Variants in SYTL2 observed in about 807,000 individuals in gnomAD.
The protein encoded by SYTL2 is synaptotagmin like 2.
A neutral mutation model predicts 198.7 loss-of-function variants in SYTL2; 165 were observed. The observed-to-expected ratio is 0.83, with a 90% CI of 0.73 to 0.94. SYTL2 has a LOEUF of 0.94. SYTL2 is among the 40% of genes least tolerant of loss of function. The pLI, the probability that SYTL2 is intolerant of heterozygous loss-of-function variation, is 0.00. For missense variants in SYTL2, 2,835 were observed against 2,582.8 expected (o/e 1.10, Z -2.12); for synonymous variants, 966 against 917.7 (o/e 1.05, Z -0.95).
At chr11:85,721,275 T>C (rs939837079) in intron 8 of SYTL2, among the ~76,000 whole-genome samples, 25 of 152,184 alleles carry the variant, frequency 1.6e-4, no homozygotes, top group African/African-American at 5.8e-4. Context: ...CATTGACTCT[T>C]CCCATTTAAC....
chr11:85,853,071 C>T, the SYTL2 span: 9 of 295,612 alleles, frequency 3.0e-5, no homozygotes, highest in East Asian at 4.6e-4. Flanking sequence ...GCCGCCTCCC[C>T]GTCCGGGAGG....
At chr11:85,821,560 AT>A in the SYTL2 span, among the ~76,000 whole-genome samples, 1 of 152,234 alleles carries the variant, frequency 6.6e-6, no homozygotes, top group East Asian at 1.9e-4. Flanking sequence ...AAATCAGATT[AT>A]AAAAGGCCTG....
chr11:85,768,237 G>A (rs2092285790), intron 1 of SYTL2, among the ~76,000 whole-genome samples: 1 of 152,152 alleles, frequency 6.6e-6, no homozygotes, highest in African/African-American at 2.4e-5. Flanking sequence ...ATCCTCTAAA[G>A]AGACACTGAT....
intron 12 of SYTL2, among the ~76,000 whole-genome samples, chr11:85,712,180 T>C (rs750378138): frequency 6.6e-5 from 10 of 152,204 alleles, no homozygotes; most frequent in Non-Finnish European, 1.3e-4. Flanking sequence ...GGATGCCAAT[T>C]GTAATGCAGA....
intron 1 of SYTL2, among the ~76,000 whole-genome samples, chr11:85,784,581 T>C (rs1042173037): frequency 6.6e-6 from 1 of 152,148 alleles, no homozygotes; most frequent in African/African-American, 2.4e-5. Context: ...CTGAATTGCT[T>C]TACTTCAAAT....
Position 85,704,973 on chromosome 11 carries a change from T to G in SYTL2, c.6074A>C (p.His2025Pro). Residue 2025 changes from histidine (H) to proline (P), a missense_variant, in exon 16 of 20, where the codon CAT becomes CCT. By Grantham distance (77) the His-to-Pro change is moderately conservative. Around this residue, in one of 3 missense-constraint regions of SYTL2, gnomAD observed 2,645 missense variants for 2,381.7 expected, o/e 1.11. Transcript: ENST00000359152. ...ACTATTGCGCTTAAATGTATCCCGA[T>G]GCCAAATGGACAGGTTCAATTTCTG... ...KTQKLNLSIW[H>P]RDTFKRNSFL... is the part of the protein sequence containing the mutation. The G allele has an allele frequency of 6.2e-7, 1 of 1,613,770 alleles. No individual in the cohort carries two copies. The highest frequency in any genetic ancestry group is 8.5e-7 in the Non-Finnish European group (1 of 1,179,740).
the SYTL2 span, chr11:85,852,895 C>A: frequency 1.8e-5 from 5 of 282,780 alleles, no homozygotes; most frequent in Non-Finnish European, 3.5e-5. Context: ...TCAGGAGCAC[C>A]TCTGCCCGGC....
At chr11:85,777,398 G>C (rs1040748938) in intron 1 of SYTL2, among the ~76,000 whole-genome samples, 4 of 152,164 alleles carry the variant, frequency 2.6e-5, no homozygotes, top group Admixed American at 2.6e-4. Flanking sequence ...ATTCCTCTCT[G>C]CAGGTGTGAC....
intron 1 of SYTL2, among the ~76,000 whole-genome samples, chr11:85,790,979 C>T (rs2092719924): frequency 1.3e-5 from 2 of 151,824 alleles, no homozygotes; most frequent in African/African-American, 4.8e-5. Context: ...GCTTGACCAA[C>T]ACAGTGAAAC....
Position 85,709,332 on chromosome 11 carries a change from G to T in SYTL2, c.5914C>A (p.Pro1972Thr). Residue 1972 changes from proline to threonine, a missense_variant and splice_region_variant, in exon 14 of 20, where the codon CCA becomes ACA. Around this residue, in one of 3 missense-constraint regions of SYTL2, gnomAD observed 2,645 missense variants for 2,381.7 expected, o/e 1.11. Coordinates refer to ENST00000359152, the MANE Select transcript of SYTL2 (RefSeq NM_206927.4). ...TAGGTGACTCTAAAATGTACTTACG[G>T]GTCTGAACGCTGTTTTTTTACATCC... Reference protein sequence around the residue: ...AADVKKQRSDPYVKAYLLPDK... With the variant: ...AADVKKQRSDTYVKAYLLPDK... 6.2e-7 allele frequency: 1 copy of T among 1,613,982 alleles called. No homozygotes were observed. The highest frequency in any genetic ancestry group is 8.5e-7 in the Non-Finnish European group (1 of 1,179,948).
chr11:85,726,604 G>A lies in SYTL2; in HGVS notation c.2754C>T (p.Asp918=). 6.4e-7 allele frequency: 1 copy of A among 1,554,672 alleles called. No homozygotes were observed. Among genetic ancestry groups the A allele is most frequent in the Non-Finnish European group, 8.7e-7 (1 of 1,155,444 alleles). The change falls in exon 8 of 20, where the codon GAC becomes GAT. Residue 918 remains aspartate (D), a synonymous_variant. Coordinates refer to ENST00000359152, the MANE Select transcript of SYTL2 (RefSeq NM_206927.4). ...NEPIKRSQVA[D]SLPSRRNITL... ...TAATGTTTCTTCTAGAAGGCAAACT[G>A]TCTGCCACTTGTGATCTTTTTATAG...
intron 1 of SYTL2, among the ~76,000 whole-genome samples, chr11:85,766,457 A>G (rs1321074886): frequency 3.9e-5 from 6 of 152,248 alleles, no homozygotes; most frequent in African/African-American, 1.4e-4. Flanking sequence ...ACAACATATC[A>G]CGAAGGACTT....
At chr11:85,706,546 T>C (rs868042403) in intron 15 of SYTL2, among the ~76,000 whole-genome samples, 7 of 152,320 alleles carry the variant, frequency 4.6e-5, no homozygotes, top group Middle Eastern at 3.4e-3. Flanking sequence ...GGAAATAATG[T>C]GTGGAAGAAT....
the SYTL2 span, among the ~76,000 whole-genome samples, chr11:85,833,159 GAAAGAAAGAAA>G: frequency 5.3e-4 from 49 of 93,256 alleles, 2 homozygotes; most frequent in African/African-American, 2.3e-3. Context: ...AGGAAGGAAA[GAAAGAAAGAAA>G]GAAAGAAAGA....
intron 6 of SYTL2, among the ~76,000 whole-genome samples, chr11:85,735,802 A>T (rs1250586277): frequency 6.6e-6 from 1 of 152,110 alleles, no homozygotes; most frequent in Non-Finnish European, 1.5e-5. Context: ...AACATGTTCC[A>T]GTGATTTTCT....
At chr11:85,816,915 C>CAAAA in the SYTL2 span, among the ~76,000 whole-genome samples, 1,267 of 80,688 alleles carry the variant, frequency 0.016, 40 homozygotes, top group African/African-American at 0.043. Context: ...AACCCTGTCT[C>CAAAA]AAAAAAAAAA....
rs769667781 is a variant in SYTL2 at position 85,704,880 on chromosome 11, C to T, written c.6167G>A (p.Arg2056Lys). The T allele has an allele frequency of 3.1e-6, 5 of 1,613,398 alleles. No individual in the cohort carries two copies. The highest frequency in any genetic ancestry group is 4.2e-6 in the Non-Finnish European group (5 of 1,179,668). ...CACCTTCCGCTTCAGAGGGTACCAT[C>T]TCAATTGTTTATTCTGTTTGTTATC... ...DWDNKQNKQL[R>K]WYPLKRKTAP... The change falls in exon 16 of 20, where the codon AGA (arginine) becomes AAA (lysine). Residue 2056 changes from arginine (R) to lysine (K), a missense_variant. By Grantham distance (26) the Arg-to-Lys change is conservative. Coordinates refer to ENST00000359152, the MANE Select transcript of SYTL2 (RefSeq NM_206927.4).
intron 1 of SYTL2, among the ~76,000 whole-genome samples, chr11:85,776,828 C>A (rs138103051): frequency 1.3e-5 from 2 of 152,152 alleles, no homozygotes; most frequent in Non-Finnish European, 2.9e-5. Flanking sequence ...TCACCACAAA[C>A]CTTTTTTAAA....
intron 7 of SYTL2, among the ~76,000 whole-genome samples, chr11:85,733,007 G>C (rs1035217230): frequency 3.3e-5 from 5 of 152,178 alleles, no homozygotes; most frequent in Non-Finnish European, 5.9e-5. Context: ...GACAAGGCTA[G>C]TTAGCAGGGA....
Sources: allele counts gnomAD v4.1 joint callset (sites outside exome capture counted in the v4.1 genomes callset), GRCh38; gene constraint gnomAD v4.1.1; regional missense constraint gnomAD v4.1.1; transcripts MANE v1.5; gene names NCBI Gene and HGNC (gene_info 2026-07-23, HGNC 2026-07-21).